The following TMEM182 variants were observed in gnomAD, a reference collection of about 807,000 sequenced individuals.
TMEM182 encodes transmembrane protein 182.
A neutral mutation model predicts 26.8 loss-of-function variants in TMEM182; 20 were observed. The ratio of observed to expected loss-of-function variants is 0.75; its 90% CI spans 0.53 to 1.09. The LOEUF is 1.09. TMEM182 is among the 50% of genes least tolerant of loss of function. The pLI, the probability that TMEM182 is intolerant of heterozygous loss-of-function variation, is 0.00. For missense variants in TMEM182, 277 were observed against 275.5 expected (o/e 1.01, Z -0.04); for synonymous variants, 109 against 102.2 (o/e 1.07, Z -0.40).
intron 3 of TMEM182, among the ~76,000 whole-genome samples, chr2:102,795,803 C>A (rs776786157): frequency 2.2e-4 from 34 of 152,082 alleles, no homozygotes; most frequent in Non-Finnish European, 4.3e-4. Flanking sequence ...TTTCTCTGGC[C>A]AGAAAGGTTG....
intron 1 of TMEM182, among the ~76,000 whole-genome samples, chr2:102,750,131 A>C (rs1679836769): frequency 6.6e-6 from 1 of 152,176 alleles, no homozygotes; most frequent in African/African-American, 2.4e-5. Context: ...CTACTTGCAC[A>C]GATTCACTTT....
chr2:102,787,367 C>T (rs1375644633), intron 3 of TMEM182, among the ~76,000 whole-genome samples: 1 of 152,180 alleles, frequency 6.6e-6, no homozygotes, highest in Non-Finnish European at 1.5e-5. Context: ...CTCTTGCTGG[C>T]AGAAAGAGAA....
At chr2:102,777,123 G>A (rs978646483) in intron 3 of TMEM182, among the ~76,000 whole-genome samples, 13 of 151,436 alleles carry the variant, frequency 8.6e-5, no homozygotes, top group African/African-American at 2.2e-4. Context: ...TAACAGTGTC[G>A]TTCACAGAGC....
At position 102,814,968 on chromosome 2, in the gene TMEM182, A is replaced by G. The variant is rs1474572565; in HGVS notation, c.690A>G (p.Ter230=). 5.0e-6 allele frequency: 8 copies of G among 1,613,254 alleles called. No homozygotes were observed. In the East Asian group the frequency reaches 1.8e-4, roughly 36 times the overall value. The change falls in exon 5 of 5, where the codon TAA becomes TAG. Residue 230 remains the stop codon, a stop_retained_variant. Transcript: ENST00000412401. Reference sequence around the variant, plus strand: ...GATGGCATATTCAGATACATCACTAAATCAACTGTTGCCACAAGTATTTTC... The same window carrying G: ...GATGGCATATTCAGATACATCACTAGATCAACTGTTGCCACAAGTATTTTC... ...VVGWHIQIHH[*] is the part of the protein sequence containing the mutation.
In TMEM182 at chr2:102,816,754, T is replaced by A; in HGVS notation, c.*1786T>A. 1 of 985,846 alleles carries A rather than the reference T, an allele frequency of 1.0e-6. No individual in the cohort carries two copies. Among genetic ancestry groups the A allele is most frequent in the Non-Finnish European group, 1.2e-6 (1 of 829,922 alleles). The allele number at this position is 985,846 out of a possible 1,614,324, so 61.1% of individuals were successfully genotyped here. On this transcript the variant is annotated 3_prime_UTR_variant, in exon 5 of 5. Transcript: ENST00000412401. The stretch of plus-strand genomic sequence containing the variant: ...TAAGTTATGGCATGCCATTAAGTTT[T>A]CCAGACGATGTTGGATGTATCTGAT...
upstream of TMEM182, among the ~76,000 whole-genome samples, chr2:102,761,563 T>C (rs1680212520): frequency 2.0e-5 from 3 of 152,220 alleles, no homozygotes; most frequent in African/African-American, 7.2e-5. Context: ...GTTTAGATTA[T>C]AAACGTGAAC....
intron 3 of TMEM182, among the ~76,000 whole-genome samples, chr2:102,841,371 CCT>C (rs2104783815): frequency 6.6e-6 from 1 of 152,282 alleles, no homozygotes; most frequent in South Asian, 2.1e-4. Flanking sequence ...CCTGCAAACC[CCT>C]CAGCATGGCC....
intron 1 of TMEM182, among the ~76,000 whole-genome samples, chr2:102,754,579 A>G (rs1434305184): frequency 3.9e-5 from 6 of 152,192 alleles, no homozygotes; most frequent in African/African-American, 1.4e-4. Flanking sequence ...TGTAGAAGCT[A>G]TGGGAGTTTG....
Position 102,816,548 on chromosome 2 carries a change from A to ATAAT in TMEM182, c.*1580_*1581insTAAT. On this transcript the variant is annotated 3_prime_UTR_variant, in exon 5 of 5. Coordinates refer to ENST00000412401, the MANE Select transcript of TMEM182 (RefSeq NM_144632.5). ...AATAATAATAATAATAATAATAATA[A>ATAAT]AGCTCCAGAGGCCTAACTGGTTTCT... 1 of 973,758 alleles carries ATAAT rather than the reference A, an allele frequency of 1.0e-6. No homozygotes were observed. Among genetic ancestry groups the ATAAT allele is most frequent in the Non-Finnish European group, 1.2e-6 (1 of 820,736 alleles). The allele number at this position is 973,758 out of a possible 1,614,324, so 60.3% of individuals were successfully genotyped here. A position where few individuals can be genotyped will look rare whatever the true frequency, so the allele number is the denominator to read the frequency against.
chr2:102,744,105 C>T (rs943715663), intron 1 of TMEM182, among the ~76,000 whole-genome samples: 2 of 152,028 alleles, frequency 1.3e-5, no homozygotes, highest in Non-Finnish European at 1.5e-5. Flanking sequence ...AGCAGAATAC[C>T]CCTTTGTCTC....
rs1427048403 is a variant in TMEM182, at chr2:102,816,406, CTG to C, written c.*1440_*1441del. ...GTGGGAGAGGTGATCCCAGTCTTCT[CTG>C]TACATCTTGTGCTTTTCCATTAAGA... On this transcript the variant is annotated 3_prime_UTR_variant, in exon 5 of 5. Coordinates refer to ENST00000412401, the MANE Select transcript of TMEM182 (RefSeq NM_144632.5). The C allele has an allele frequency of 2.7e-5, 27 of 985,018 alleles. No homozygotes were observed. The highest frequency in any genetic ancestry group is 2.9e-5 in the Non-Finnish European group (24 of 829,900). The allele number at this position is 985,018 out of a possible 1,614,324, so 61.0% of individuals were successfully genotyped here. A position where few individuals can be genotyped will look rare whatever the true frequency, so the allele number is the denominator to read the frequency against.
intron 3 of TMEM182, among the ~76,000 whole-genome samples, chr2:102,792,655 A>G (rs1159815409): frequency 6.6e-6 from 1 of 152,230 alleles, no homozygotes; most frequent in East Asian, 1.9e-4. Context: ...ATTTTGTAAT[A>G]TGCTTGATGT....
chr2:102,822,160 A>G (rs957861960), downstream of TMEM182, among the ~76,000 whole-genome samples: 5 of 152,172 alleles, frequency 3.3e-5, no homozygotes, highest in Admixed American at 6.5e-5. Flanking sequence ...TAGATTAGGC[A>G]GTTAGTTCAG....
At chr2:102,781,660 A>C (rs188488329) in intron 3 of TMEM182, among the ~76,000 whole-genome samples, 1 of 152,082 alleles carries the variant, frequency 6.6e-6, no homozygotes, top group East Asian at 1.9e-4. Context: ...AATCATGATG[A>C]ATGTTTTTTT....
At chr2:102,792,727 G>A (rs1456181489) in intron 3 of TMEM182, among the ~76,000 whole-genome samples, 5 of 152,148 alleles carry the variant, frequency 3.3e-5, no homozygotes, top group Non-Finnish European at 7.3e-5. Flanking sequence ...CGGCACTCAG[G>A]CATCTGACTG....
intron 3 of TMEM182, among the ~76,000 whole-genome samples, chr2:102,833,518 C>G (rs1683187777): frequency 6.6e-6 from 1 of 152,160 alleles, no homozygotes; most frequent in Non-Finnish European, 1.5e-5. Context: ...TTATTTTCCC[C>G]AAGGTTAACA....
upstream of TMEM182, among the ~76,000 whole-genome samples, chr2:102,758,916 C>A (rs536839527): frequency 1.3e-3 from 205 of 152,160 alleles, 1 homozygote; most frequent in Middle Eastern, 3.4e-3. Flanking sequence ...GAGGCAATGC[C>A]CCCCTAGGGA....
chr2:102,790,165 C>G (rs1275948754), intron 3 of TMEM182, among the ~76,000 whole-genome samples: 2 of 152,208 alleles, frequency 1.3e-5, no homozygotes, highest in African/African-American at 2.4e-5. Context: ...GTTTTTGGTG[C>G]CTTGCACGTA....
chr2:102,738,916 A>G (rs1408721209), intron 1 of TMEM182, among the ~76,000 whole-genome samples: 3 of 152,140 alleles, frequency 2.0e-5, no homozygotes, highest in African/African-American at 7.2e-5. Context: ...GAAAAATGAC[A>G]ATGTCAGAGT....
Sources: gnomAD v4.1 joint callset for allele counts (sites outside exome capture counted in the v4.1 genomes callset) on GRCh38, gnomAD v4.1.1 for gene constraint, MANE v1.5 for transcripts, NCBI Gene and HGNC (gene_info 2026-07-23, HGNC 2026-07-21) for gene names.